EDEM2: variants seen among roughly 807,000 people sequenced by gnomAD.
EDEM2 encodes ER degradation-enhancing alpha-mannosidase-like protein 2.
Under a neutral mutation model 64.8 loss-of-function variants are expected in EDEM2, and 39 were observed. The ratio of observed to expected loss-of-function variants is 0.60; its 90% CI spans 0.47 to 0.79. The LOEUF (loss-of-function observed/expected upper bound fraction) is 0.79, where lower values mean the gene tolerates loss of function less well. Ranked by LOEUF, EDEM2 falls within the 30% of genes least tolerant of loss-of-function variation. The pLI, the probability that EDEM2 is intolerant of heterozygous loss-of-function variation, is 0.00. For missense variants in EDEM2, 609 were observed against 731.3 expected, an observed-to-expected ratio of 0.83 and a Z score of 1.93; for synonymous variants, 296 against 291.5, an observed-to-expected ratio of 1.02 and a Z score of -0.16.
chr20:35,137,524 C>G (rs1200633529), intron 5 of EDEM2, among the ~76,000 whole-genome samples: 1 of 152,190 alleles, frequency 6.6e-6, no homozygotes, highest in Non-Finnish European at 1.5e-5. Context: ...CACCAACACC[C>G]TTCCCTGGGC....
At chr20:35,144,437 A>C (rs1033953776) in intron 3 of EDEM2, among the ~76,000 whole-genome samples, 14 of 152,238 alleles carry the variant, frequency 9.2e-5, no homozygotes, top group Admixed American at 6.5e-4. Flanking sequence ...GGGTTCAGGC[A>C]ATTCTCCTGC....
chr20:35,128,383 C>CA (rs1451777550), intron 7 of EDEM2, among the ~76,000 whole-genome samples: 3 of 143,624 alleles, frequency 2.1e-5, no homozygotes, highest in African/African-American at 8.0e-5. Flanking sequence ...ACTCTGTCTC[C>CA]AAAAAAAATA....
At chr20:35,120,835 T>G (rs937421509) in intron 9 of EDEM2, among the ~76,000 whole-genome samples, 2 of 152,132 alleles carry the variant, frequency 1.3e-5, no homozygotes, top group African/African-American at 2.4e-5. Flanking sequence ...TGACCTCAGT[T>G]GATCCACCGC....
At chr20:35,133,985 C>T (rs928095855) in intron 6 of EDEM2, 8 of 410,728 alleles carry the variant, frequency 1.9e-5, no homozygotes, top group Admixed American at 1.4e-4. Flanking sequence ...CACACAGTTT[C>T]GATGTAGCAA....
intron 7 of EDEM2, among the ~76,000 whole-genome samples, chr20:35,128,104 G>A (rs953930574): frequency 3.9e-5 from 6 of 152,052 alleles, no homozygotes; most frequent in African/African-American, 7.2e-5. Context: ...AAAAAAAGTC[G>A]GCTGGGCGTG....
chr20:35,116,591 C>A (rs923361740), intron 10 of EDEM2, among the ~76,000 whole-genome samples: 25 of 152,324 alleles, frequency 1.6e-4, no homozygotes, highest in African/African-American at 6.0e-4. Flanking sequence ...CAGGTCTCTG[C>A]TCAAATGCTT....
At chr20:35,116,010 G>T (rs1488983206) in intron 10 of EDEM2, 77 bp from the exon 11 acceptor site, 5 of 1,501,902 alleles carry the variant, frequency 3.3e-6, no homozygotes, top group Non-Finnish European at 4.5e-6. Context: ...CCTTAAGAAG[G>T]CCTGTTCTGC....
chr20:35,144,629 C>T (rs977718321), intron 3 of EDEM2, among the ~76,000 whole-genome samples: 4 of 152,202 alleles, frequency 2.6e-5, no homozygotes, highest in Non-Finnish European at 4.4e-5. Flanking sequence ...CCACCATGCT[C>T]AGCCTGATAC....
intron 3 of EDEM2, among the ~76,000 whole-genome samples, chr20:35,144,457 T>C (rs1437371743): frequency 1.3e-5 from 2 of 152,068 alleles, no homozygotes; most frequent in Non-Finnish European, 2.9e-5. Flanking sequence ...CCTCAGCCTC[T>C]CCAGTAGCTG....
At chr20:35,124,069 C>A in intron 8 of EDEM2, 35 bp from the exon 9 acceptor site, 2 of 1,601,600 alleles carry the variant, frequency 1.2e-6, no homozygotes, top group Non-Finnish European at 1.7e-6. Context: ...CAGGTAGACA[C>A]CAGGCATAAA....
At position 35,134,951 on chromosome 20, in the gene EDEM2, T is replaced by TGAAC; in HGVS notation, c.491-6_491-3dup. ...GCATGCCAGTGGGGGTCTGAAAGGC[T>TGAAC]GAACAATCGACAAATTATGATCCCG... On this transcript the variant is annotated splice_region_variant and splice_polypyrimidine_tract_variant and intron_variant, in intron 5 of 10. Transcript: ENST00000374492. 1 of 1,613,766 alleles carries TGAAC rather than the reference T, an allele frequency of 6.2e-7. No individual in the cohort carries two copies.
chr20:35,135,517 G>A (rs2085564342), intron 5 of EDEM2, among the ~76,000 whole-genome samples: 1 of 152,190 alleles, frequency 6.6e-6, no homozygotes, highest in Admixed American at 6.5e-5. Context: ...CAAGCGTGGT[G>A]GTGCACGCCT....
rs139318263 is a variant in EDEM2 at position 35,115,514 on chromosome 20, C to A, written c.1656G>T (p.Lys552Asn). 745 of 1,613,304 alleles carry A rather than the reference C, an allele frequency of 4.6e-4. 4 individuals carry two copies. The African/African-American group carries it at 9.3e-3, about 20-fold the overall frequency. ...GACTGGGGCAGCTGAGAAGTGGGAC[C>A]TTCTGTTTGGCAGGCTTCCTCTCCC... ...QARERKPAKQ[K>N]VPLLSCPSQP... is the part of the protein sequence containing the mutation. Residue 552 changes from lysine (K) to asparagine (N), a missense_variant, in exon 11 of 11, where the codon AAG becomes AAT. Transcript: ENST00000374492.
chr20:35,130,128 G>C (rs1338905375), intron 7 of EDEM2, among the ~76,000 whole-genome samples: 1 of 152,100 alleles, frequency 6.6e-6, no homozygotes, highest in Non-Finnish European at 1.5e-5. Flanking sequence ...AAATGCAGTG[G>C]TATGATCACG....
chr20:35,144,946 G>A, intron 3 of EDEM2, 33 bp downstream of exon 3: 1 of 1,611,966 alleles, frequency 6.2e-7, no homozygotes, highest in East Asian at 2.2e-5. Flanking sequence ...TTATGTAACA[G>A]TGGAAAGGAA....
At chr20:35,133,707 T>C (rs1413814970) in intron 6 of EDEM2, among the ~76,000 whole-genome samples, 1 of 152,064 alleles carries the variant, frequency 6.6e-6, no homozygotes, top group Non-Finnish European at 1.5e-5. Context: ...TCTCAGGTGA[T>C]CCGCCCGCCT....
At chr20:35,128,729 T>C (rs1390174962) in intron 7 of EDEM2, among the ~76,000 whole-genome samples, 1 of 150,468 alleles carries the variant, frequency 6.6e-6, no homozygotes, top group East Asian at 1.9e-4. Flanking sequence ...ATATTGATGA[T>C]ACTGACCCTA....
At chr20:35,117,942 T>C (rs2085327173) in intron 10 of EDEM2, among the ~76,000 whole-genome samples, 1 of 152,202 alleles carries the variant, frequency 6.6e-6, no homozygotes, top group Non-Finnish European at 1.5e-5. Context: ...CCAAACTCTT[T>C]CCTGTGGCTT....
intron 10 of EDEM2, among the ~76,000 whole-genome samples, chr20:35,118,211 C>A (rs1356141247): frequency 6.6e-6 from 1 of 152,154 alleles, no homozygotes; most frequent in Non-Finnish European, 1.5e-5. Flanking sequence ...GTTAAGGAGT[C>A]CCAGGTTTGA....
Sources: allele counts gnomAD v4.1 joint callset (sites outside exome capture counted in the v4.1 genomes callset), GRCh38; gene constraint gnomAD v4.1.1; transcripts MANE v1.5; gene names NCBI Gene and HGNC (gene_info 2026-07-23, HGNC 2026-07-21).